The following PTGER4 variants were observed in gnomAD, a reference collection of about 807,000 sequenced individuals.
PTGER4 encodes the protein prostaglandin E receptor 4.
Under a neutral mutation model 33.2 loss-of-function variants are expected in PTGER4, and 11 were observed. The observed-to-expected ratio is 0.33, with a 90% confidence interval of 0.21 to 0.55. The LOEUF (loss-of-function observed/expected upper bound fraction) is 0.55, where lower values mean the gene tolerates loss of function less well. Ranked by LOEUF, PTGER4 falls within the 20% of genes least tolerant of loss-of-function variation. PTGER4 has a pLI of 0.92. For synonymous variants in PTGER4, 275 were observed against 281.5 expected (o/e 0.98, Z 0.23); for missense variants, 481 against 650.2 (o/e 0.74, Z 2.83).
rs898891470 is a variant in PTGER4, at chr5:40,683,318, T to A, written c.867+1458T>A. Reference sequence around the variant, plus strand: ...AATACAGTAGGTTCTTACCAATTTGTATAAACAGAAGTAAATATAATAGGC... The same window carrying A: ...AATACAGTAGGTTCTTACCAATTTGAATAAACAGAAGTAAATATAATAGGC... On this transcript the variant is annotated intron_variant, in intron 2 of 2. Transcript: ENST00000302472. The surrounding 1 kb of genome is among the most constrained non-coding windows in gnomAD (Gnocchi z 4.2). Among the ~76,000 whole-genome samples the A allele has an allele frequency of 6.6e-6, 1 of 152,212 alleles. No individual in the cohort carries two copies. Among genetic ancestry groups the A allele is most frequent in the African/African-American group, 2.4e-5 (1 of 41,454 alleles).
the PTGER4 span, among the ~76,000 whole-genome samples, chr5:40,712,216 T>C: frequency 5.3e-5 from 8 of 152,102 alleles, no homozygotes; most frequent in Non-Finnish European, 8.8e-5. Context: ...TGAACAAATG[T>C]TTACCTGTTG....
chr5:40,716,393 C>A, the PTGER4 span: 1 of 1,614,004 alleles, frequency 6.2e-7, no homozygotes, highest in Non-Finnish European at 8.5e-7. Context: ...ATCCTCTGTG[C>A]TACCTTCTGC....
the PTGER4 span, among the ~76,000 whole-genome samples, chr5:40,708,448 C>T: frequency 5.3e-5 from 8 of 152,128 alleles, no homozygotes; most frequent in South Asian, 2.1e-4. Flanking sequence ...TGGATAAATT[C>T]CTCGACACAT....
the PTGER4 span, among the ~76,000 whole-genome samples, chr5:40,721,429 TAGAC>T: frequency 6.6e-6 from 1 of 152,140 alleles, no homozygotes; most frequent in African/African-American, 2.4e-5. Context: ...TGGAACAGAA[TAGAC>T]AGCCTACAAA....
chr5:40,742,649 T>C, the PTGER4 span, among the ~76,000 whole-genome samples: 1 of 151,908 alleles, frequency 6.6e-6, no homozygotes, highest in East Asian at 1.9e-4. Flanking sequence ...AGAGTAAGGG[T>C]TATGAGAAAA....
chr5:40,698,295 C>A (rs13155157), downstream of PTGER4, among the ~76,000 whole-genome samples: 27,474 of 151,316 alleles, frequency 0.18, 3,225 homozygotes, highest in Middle Eastern at 0.27. Flanking sequence ...TAATAATAAT[C>A]ATCATCATCA....
chr5:40,728,559 G>T, the PTGER4 span: 1 of 1,329,988 alleles, frequency 7.5e-7, no homozygotes, highest in Non-Finnish European at 1.0e-6. Flanking sequence ...CATTTTTTAA[G>T]ATATATTTTT....
At chr5:40,746,750 T>A in the PTGER4 span, 3 of 1,404,732 alleles carry the variant, frequency 2.1e-6, no homozygotes, top group African/African-American at 1.4e-5. Flanking sequence ...GACAGTGAGC[T>A]AGAAAATGTA....
chr5:40,698,556 C>G (rs1191648812), downstream of PTGER4, among the ~76,000 whole-genome samples: 1 of 152,074 alleles, frequency 6.6e-6, no homozygotes, highest in Non-Finnish European at 1.5e-5. Flanking sequence ...ATATACTGTT[C>G]TTGGGAATAC....
chr5:40,681,969 C>G lies in PTGER4; in HGVS notation c.867+109C>G, dbSNP rs1741207749. 3 of 1,337,646 alleles carry G rather than the reference C, an allele frequency of 2.2e-6. No individual in the cohort carries two copies. The Admixed American group carries it at 8.6e-5, about 38-fold the overall frequency. The allele number at this position is 1,337,646 out of a possible 1,614,324, so 82.9% of individuals were successfully genotyped here. A position where few individuals can be genotyped will look rare whatever the true frequency, so the allele number is the denominator to read the frequency against. On this transcript the variant is annotated intron_variant, in intron 2 of 2. Transcript: ENST00000302472. The surrounding 1 kb of genome is among the most constrained non-coding windows in gnomAD (Gnocchi z 9.8). ...TGAGTCCTTGGCAGTGAACGTGTCG[C>G]CTTTAGGTCGGGGCTGGGATTCCCA...
At chr5:40,731,109 T>G in the PTGER4 span, among the ~76,000 whole-genome samples, 1 of 152,190 alleles carries the variant, frequency 6.6e-6, no homozygotes, top group Non-Finnish European at 1.5e-5. Context: ...CAGGAAAAAC[T>G]TTGGAAATTA....
At position 40,681,765 on chromosome 5, in the gene PTGER4, CG is replaced by C; in HGVS notation, c.774del (p.Ser259AlafsTer62). The C allele has an allele frequency of 6.3e-7, 1 of 1,595,902 alleles. No individual in the cohort carries two copies. The highest frequency in any genetic ancestry group is 8.5e-7 in the Non-Finnish European group (1 of 1,175,000). On this transcript the variant is annotated frameshift_variant, in exon 2 of 3. Coordinates refer to ENST00000302472, the MANE Select transcript of PTGER4 (RefSeq NM_000958.3). LOFTEE classifies it high-confidence loss of function. This position sits in a 1 kb window ranked among gnomAD's most constrained non-coding sequence, Gnocchi z 9.8. ...GCGCCTCAGCGACTTTCGGCGCCGCCGGAGCTTCCGCCGCATCGCGGGCGCC... is the reference window on the plus strand; with the variant it reads ...GCGCCTCAGCGACTTTCGGCGCCGCCGAGCTTCCGCCGCATCGCGGGCGCC... ...LPRLSDFRRRRSFRRIAGAEI... is the reference protein window; with the variant it reads ...LPRLSDFRRRXSFRRIAGAEI...
chr5:40,730,100 G>A, the PTGER4 span, among the ~76,000 whole-genome samples: 2 of 152,168 alleles, frequency 1.3e-5, no homozygotes, highest in African/African-American at 4.8e-5. Context: ...CCAGTTTTAT[G>A]CATAAGACAG....
At chr5:40,703,592 G>A in the PTGER4 span, among the ~76,000 whole-genome samples, 1 of 151,976 alleles carries the variant, frequency 6.6e-6, no homozygotes. Context: ...ATCCCTACAG[G>A]AACTATTCTA....
the PTGER4 span, among the ~76,000 whole-genome samples, chr5:40,744,717 T>C: frequency 3.9e-5 from 6 of 152,166 alleles, no homozygotes; most frequent in Non-Finnish European, 7.3e-5. Flanking sequence ...AAATCATGTA[T>C]TTATTCAAAT....
chr5:40,732,443 C>T, the PTGER4 span, among the ~76,000 whole-genome samples: 2 of 151,704 alleles, frequency 1.3e-5, no homozygotes, highest in Non-Finnish European at 2.9e-5. Flanking sequence ...AAGACCAATA[C>T]TTTCTGTAAC....
At chr5:40,690,810 A>G (rs1033947285) in intron 2 of PTGER4, among the ~76,000 whole-genome samples, 2 of 152,186 alleles carry the variant, frequency 1.3e-5, no homozygotes, top group Non-Finnish European at 2.9e-5. Context: ...AAGTTACTTC[A>G]TTAGAATTAC....
chr5:40,723,814 G>T, the PTGER4 span, among the ~76,000 whole-genome samples: 7 of 151,690 alleles, frequency 4.6e-5, no homozygotes, highest in African/African-American at 1.7e-4. Context: ...ACAGTGAGCC[G>T]AGATCACACC....
chr5:40,710,470 C>T, the PTGER4 span, among the ~76,000 whole-genome samples: 1 of 152,222 alleles, frequency 6.6e-6, no homozygotes, highest in Admixed American at 6.5e-5. Context: ...CACTTTTACA[C>T]TGTTGGTGGG....
Sources: allele counts gnomAD v4.1 joint callset (sites outside exome capture counted in the v4.1 genomes callset), GRCh38; gene constraint gnomAD v4.1.1; non-coding constraint Gnocchi (gnomAD v3.1); transcripts MANE v1.5; gene names NCBI Gene and HGNC (gene_info 2026-07-23, HGNC 2026-07-21).